The following PLPP4 variants were observed in gnomAD, a reference collection of about 807,000 sequenced individuals.
PLPP4 encodes phospholipid phosphatase 4.
PLPP4 carries 20 observed loss-of-function variants against 32.2 expected under a neutral mutation model. That is an observed-to-expected ratio of 0.62 (90% confidence interval 0.44 to 0.90). PLPP4 has a LOEUF of 0.90. Ranked by LOEUF, PLPP4 falls within the 40% of genes least tolerant of loss-of-function variation. PLPP4 has a pLI of 0.00. For missense variants in PLPP4, 257 were observed against 353.1 expected, an observed-to-expected ratio of 0.73 and a Z score of 2.18; for synonymous variants, 127 against 133.0, an observed-to-expected ratio of 0.95 and a Z score of 0.31.
At chr10:120,482,536 A>G (rs1264423614) in intron 1 of PLPP4, among the ~76,000 whole-genome samples, 1 of 152,180 alleles carries the variant, frequency 6.6e-6, no homozygotes, top group African/African-American at 2.4e-5. Flanking sequence ...GGGTGCTGTT[A>G]AAGGCATTCA....
At chr10:120,469,417 C>T (rs1434961558) in intron 1 of PLPP4, among the ~76,000 whole-genome samples, 2 of 151,996 alleles carry the variant, frequency 1.3e-5, no homozygotes, top group Non-Finnish European at 2.9e-5. Context: ...TTAGTAGAGA[C>T]AGGGTTTCAC....
chr10:120,515,026 T>C (rs1160699249), intron 3 of PLPP4, among the ~76,000 whole-genome samples: 1 of 152,084 alleles, frequency 6.6e-6, no homozygotes, highest in Non-Finnish European at 1.5e-5. Flanking sequence ...GAGCTGCATC[T>C]AGGGAGTGTG....
intron 5 of PLPP4, among the ~76,000 whole-genome samples, chr10:120,551,004 C>T (rs1243768226): frequency 1.3e-5 from 2 of 152,004 alleles, no homozygotes; most frequent in Admixed American, 1.3e-4. Context: ...CTCAAAAGGA[C>T]TTGTGCATTC....
intron 1 of PLPP4, among the ~76,000 whole-genome samples, chr10:120,487,927 C>A (rs1844535708): frequency 6.6e-6 from 1 of 152,096 alleles, no homozygotes; most frequent in African/African-American, 2.4e-5. Context: ...AGCAGGAAAC[C>A]CAAAGCTCTC....
chr10:120,458,810 A>G (rs1847908717), intron 1 of PLPP4, among the ~76,000 whole-genome samples: 1 of 152,198 alleles, frequency 6.6e-6, no homozygotes, highest in African/African-American at 2.4e-5. Flanking sequence ...TCAGATGGGG[A>G]CAGTTTCTAA....
At chr10:120,531,718 G>A (rs1472766487) in intron 5 of PLPP4, among the ~76,000 whole-genome samples, 1 of 151,880 alleles carries the variant, frequency 6.6e-6, no homozygotes, top group East Asian at 1.9e-4. Context: ...TGGTGCCTTT[G>A]CAAAAATTAA....
chr10:120,506,928 G>T (rs1208524917), intron 2 of PLPP4, among the ~76,000 whole-genome samples: 1 of 152,232 alleles, frequency 6.6e-6, no homozygotes, highest in Non-Finnish European at 1.5e-5. Context: ...ATTCTTTTCA[G>T]ATGCACTCAA....
intron 5 of PLPP4, among the ~76,000 whole-genome samples, chr10:120,557,208 A>G (rs563869103): frequency 4.6e-5 from 7 of 152,312 alleles, no homozygotes; most frequent in African/African-American, 1.7e-4. Context: ...TTTCACCCTC[A>G]AGAAATAGCT....
chr10:120,488,361 G>T lies in PLPP4; in HGVS notation c.57-15457G>T, dbSNP rs183868327. 3.3e-5 allele frequency among the ~76,000 whole-genome samples: 5 copies of T among 152,224 alleles called. No homozygotes were observed. The East Asian group carries it at 9.6e-4, about 29-fold the overall frequency. Reference sequence around the variant, plus strand: ...CTGAAAGCTAACATTTATTAAACCTGCTTACTATATGCCAGTCATTGCATT... The same window carrying T: ...CTGAAAGCTAACATTTATTAAACCTTCTTACTATATGCCAGTCATTGCATT... On this transcript the variant is annotated intron_variant, in intron 1 of 6. Transcript: ENST00000398250.
At chr10:120,477,261 A>G (rs1009260409) in intron 1 of PLPP4, among the ~76,000 whole-genome samples, 1 of 151,674 alleles carries the variant, frequency 6.6e-6, no homozygotes, top group African/African-American at 2.4e-5. Flanking sequence ...AAGAAAAAAA[A>G]CCTTCTCTAC....
intron 1 of PLPP4, among the ~76,000 whole-genome samples, chr10:120,463,242 G>A (rs1017481122): frequency 6.6e-6 from 1 of 152,050 alleles, no homozygotes; most frequent in African/African-American, 2.4e-5. Flanking sequence ...TAGCCAGGAT[G>A]GTCTCGATCT....
intron 5 of PLPP4, among the ~76,000 whole-genome samples, chr10:120,544,308 T>C (rs1279327152): frequency 1.3e-5 from 2 of 152,218 alleles, no homozygotes; most frequent in Admixed American, 6.5e-5. Flanking sequence ...CTCCCTGAGA[T>C]TTTGACAGAG....
At chr10:120,511,891 G>A (rs561353784) in intron 2 of PLPP4, among the ~76,000 whole-genome samples, 1 of 152,104 alleles carries the variant, frequency 6.6e-6, no homozygotes, top group South Asian at 2.1e-4. Flanking sequence ...AGGAGATAGA[G>A]ACCATCCTGG....
At chr10:120,540,616 C>T (rs1847292749) in intron 5 of PLPP4, among the ~76,000 whole-genome samples, 1 of 152,200 alleles carries the variant, frequency 6.6e-6, no homozygotes, top group Non-Finnish European at 1.5e-5. Flanking sequence ...AGGCCTTGCT[C>T]CTCTGCTGGG....
intron 1 of PLPP4, among the ~76,000 whole-genome samples, chr10:120,490,634 C>G (rs978579856): frequency 6.6e-6 from 1 of 152,210 alleles, no homozygotes; most frequent in African/African-American, 2.4e-5. Flanking sequence ...ACCTGCCAGA[C>G]CATTCTAGAA....
At chr10:120,506,749 A>G (rs1213601833) in intron 2 of PLPP4, among the ~76,000 whole-genome samples, 1 of 152,226 alleles carries the variant, frequency 6.6e-6, no homozygotes, top group East Asian at 1.9e-4. Context: ...AGTAAATGGT[A>G]ATAATGTCAC....
At chr10:120,522,629 T>A (rs971041605) in intron 5 of PLPP4, among the ~76,000 whole-genome samples, 1 of 152,164 alleles carries the variant, frequency 6.6e-6, no homozygotes, top group African/African-American at 2.4e-5. Context: ...GTGAGTTGAG[T>A]AGTTGCCTCC....
At chr10:120,500,079 C>A (rs572959627) in intron 1 of PLPP4, among the ~76,000 whole-genome samples, 14 of 152,264 alleles carry the variant, frequency 9.2e-5, no homozygotes, top group Admixed American at 5.9e-4. Context: ...GAAGGGACAT[C>A]AATCTTTCTT....
intron 5 of PLPP4, among the ~76,000 whole-genome samples, chr10:120,528,314 T>G (rs1384998823): frequency 6.6e-6 from 1 of 152,096 alleles, no homozygotes; most frequent in Non-Finnish European, 1.5e-5. Context: ...GACCTCGTGA[T>G]CCGTCCGCCT....
Sources: gnomAD v4.1 joint callset for allele counts (sites outside exome capture counted in the v4.1 genomes callset) on GRCh38, gnomAD v4.1.1 for gene constraint, MANE v1.5 for transcripts, NCBI Gene and HGNC (gene_info 2026-07-23, HGNC 2026-07-21) for gene names.